TMEM123: variants seen among roughly 807,000 people sequenced by gnomAD.
The protein encoded by TMEM123 is porimin.
A neutral mutation model predicts 19.7 loss-of-function variants in TMEM123; 16 were observed. The ratio of observed to expected loss-of-function variants is 0.81; its 90% CI spans 0.55 to 1.23. The LOEUF (loss-of-function observed/expected upper bound fraction) is 1.23. Ranked by LOEUF, TMEM123 falls within the 50% of genes most tolerant of loss-of-function variation. TMEM123 has a pLI of 0.00. For synonymous variants in TMEM123, 118 were observed against 99.4 expected, an observed-to-expected ratio of 1.19 and a Z score of -1.12; for missense variants, 313 against 257.8, an observed-to-expected ratio of 1.21 and a Z score of -1.47.
intron 2 of TMEM123, among the ~76,000 whole-genome samples, chr11:102,414,651 G>A (rs938419502): frequency 6.6e-6 from 1 of 152,172 alleles, no homozygotes; most frequent in Non-Finnish European, 1.5e-5. Context: ...CAAGCACTAA[G>A]GGAATCCATT....
chr11:102,440,191 A>G (rs1177605007), intron 2 of TMEM123, among the ~76,000 whole-genome samples: 1 of 152,206 alleles, frequency 6.6e-6, no homozygotes, highest in East Asian at 1.9e-4. Context: ...TTCAGGAAAT[A>G]CAGAGAACAC....
chr11:102,401,438 A>T, intron 4 of TMEM123, 101 bp downstream of exon 4: 1 of 1,110,724 alleles, frequency 9.0e-7, no homozygotes, highest in Non-Finnish European at 1.2e-6. Context: ...TAAATCTATC[A>T]ATTATTCATC....
chr11:102,442,008 T>G (rs1591567053), intron 2 of TMEM123, among the ~76,000 whole-genome samples: 1 of 152,184 alleles, frequency 6.6e-6, no homozygotes, highest in African/African-American at 2.4e-5. Context: ...CAGGAAGAAG[T>G]TGAATCCCTC....
intron 1 of TMEM123, chr11:102,449,515 T>C (rs538161200): frequency 1.3e-5 from 2 of 150,492 alleles, no homozygotes; most frequent in African/African-American, 4.9e-5. Flanking sequence ...AAGTGTATTA[T>C]TGTGTCCTTT....
intron 2 of TMEM123, among the ~76,000 whole-genome samples, chr11:102,403,449 C>T (rs146591140): frequency 1.9e-4 from 29 of 152,280 alleles, no homozygotes; most frequent in Middle Eastern, 3.4e-3. Context: ...CTTTTTAACA[C>T]GACAATTTAA....
chr11:102,402,451 A>G (rs1177881153), intron 2 of TMEM123, among the ~76,000 whole-genome samples: 1 of 152,086 alleles, frequency 6.6e-6, no homozygotes, highest in Non-Finnish European at 1.5e-5. Context: ...ATATGAAGAA[A>G]AAAAAAAACA....
In TMEM123 at chr11:102,401,942, A is replaced by G; in HGVS notation, c.422T>C (p.Val141Ala). Residue 141 changes from valine to alanine, a missense_variant, in exon 3 of 5, where the codon GTG becomes GCG. Transcript: ENST00000398136. Reference sequence around the variant, plus strand: ...TGTTACTGATGAAGCAGCAGATGTCACTGAACTATTGTGGGTTACGGTCAT... The same window carrying G: ...TGTTACTGATGAAGCAGCAGATGTCGCTGAACTATTGTGGGTTACGGTCAT... ...STMTVTHNSS[V>A]TSAASSVTIT... 6.2e-7 allele frequency: 1 copy of G among 1,614,176 alleles called. No homozygotes were observed. The highest frequency in any genetic ancestry group is 1.1e-5 in the South Asian group (1 of 91,070).
chr11:102,440,084 GA>G (rs1475340619), intron 2 of TMEM123, among the ~76,000 whole-genome samples: 1 of 152,234 alleles, frequency 6.6e-6, no homozygotes, highest in African/African-American at 2.4e-5. Flanking sequence ...TGGTGTAACT[GA>G]AAGTGACGGG....
intron 2 of TMEM123, among the ~76,000 whole-genome samples, chr11:102,432,859 A>AT (rs1245193305): frequency 6.8e-6 from 1 of 147,648 alleles, no homozygotes; most frequent in Non-Finnish European, 1.5e-5. Context: ...AAGGGGTCAA[A>AT]GTACAGCTCA....
At chr11:102,412,752 GAT>G (rs1565349308) in intron 2 of TMEM123, among the ~76,000 whole-genome samples, 2 of 152,000 alleles carry the variant, frequency 1.3e-5, no homozygotes, top group African/African-American at 4.8e-5. Flanking sequence ...AACAAAATAC[GAT>G]AGACCTGATG....
chr11:102,436,035 T>C (rs1857759161), intron 2 of TMEM123, among the ~76,000 whole-genome samples: 1 of 151,796 alleles, frequency 6.6e-6, no homozygotes, highest in South Asian at 2.1e-4. Context: ...ATAAATTTAA[T>C]TACATGGTAT....
chr11:102,398,961 G>C (rs903948749), intron 4 of TMEM123, 70 bp from the exon 5 acceptor site: 2 of 1,367,404 alleles, frequency 1.5e-6, no homozygotes, highest in Non-Finnish European at 2.1e-6. Flanking sequence ...GTTCCTATTT[G>C]TTAGTAAAGT....
At chr11:102,405,149 C>T (rs1339791603) in intron 2 of TMEM123, among the ~76,000 whole-genome samples, 1 of 151,068 alleles carries the variant, frequency 6.6e-6, no homozygotes, top group Admixed American at 6.6e-5. Context: ...CCCAGGTTCA[C>T]GCCATTCTCC....
intron 2 of TMEM123, among the ~76,000 whole-genome samples, chr11:102,423,988 G>A (rs970195655): frequency 2.0e-5 from 3 of 152,090 alleles, no homozygotes; most frequent in African/African-American, 7.2e-5. Context: ...ATCATCTCCT[G>A]TAAAAGAAAA....
chr11:102,450,137 T>G (rs1472975867), intron 1 of TMEM123, among the ~76,000 whole-genome samples: 1 of 152,184 alleles, frequency 6.6e-6, no homozygotes, highest in Non-Finnish European at 1.5e-5. Flanking sequence ...ATCCACCCTT[T>G]TATCTCCATT....
intron 1 of TMEM123, among the ~76,000 whole-genome samples, chr11:102,451,847 C>T (rs1343502533): frequency 6.6e-6 from 1 of 152,250 alleles, no homozygotes; most frequent in African/African-American, 2.4e-5. Context: ...GCAGCTGTGC[C>T]CTTAACGCTG....
intron 2 of TMEM123, among the ~76,000 whole-genome samples, chr11:102,411,123 GCCCA>G: frequency 6.6e-6 from 1 of 152,190 alleles, no homozygotes; most frequent in East Asian, 1.9e-4. Flanking sequence ...ATAGCATAGG[GCCCA>G]CAGATAGCCT....
intron 2 of TMEM123, among the ~76,000 whole-genome samples, chr11:102,441,231 C>T (rs1156918826): frequency 6.6e-6 from 1 of 152,200 alleles, no homozygotes; most frequent in African/African-American, 2.4e-5. Context: ...CCCAAATCAA[C>T]AGAATATACA....
At chr11:102,405,461 T>C (rs929602225) in intron 2 of TMEM123, among the ~76,000 whole-genome samples, 1 of 152,238 alleles carries the variant, frequency 6.6e-6, no homozygotes, top group Admixed American at 6.5e-5. Flanking sequence ...TCAAATGAAC[T>C]TGAACTAATC....
Sources: gnomAD v4.1 joint callset for allele counts (sites outside exome capture counted in the v4.1 genomes callset) on GRCh38, gnomAD v4.1.1 for gene constraint, MANE v1.5 for transcripts, NCBI Gene and HGNC (gene_info 2026-07-23, HGNC 2026-07-21) for gene names.